The following ZNF248 variants were observed in gnomAD, a reference collection of about 807,000 sequenced individuals.
The protein encoded by ZNF248 is KRAB protein domain.
In ZNF248, 20 loss-of-function variants were observed where a neutral mutation model predicts 44.3. That is an observed-to-expected ratio of 0.45 (90% CI 0.32 to 0.66). The LOEUF (loss-of-function observed/expected upper bound fraction) is 0.66, where lower values mean the gene tolerates loss of function less well. ZNF248 is among the 30% of genes least tolerant of loss of function. The pLI, the probability that ZNF248 is intolerant of heterozygous loss-of-function variation, is 0.04. For synonymous variants in ZNF248, 224 were observed against 229.0 expected (o/e 0.98, Z 0.20); for missense variants, 654 against 677.0 (o/e 0.97, Z 0.38).
chr10:37,778,683 A>ACG (rs1267194996), intron 6 of ZNF248, among the ~76,000 whole-genome samples: 6 of 152,180 alleles, frequency 3.9e-5, no homozygotes, highest in Non-Finnish European at 8.8e-5. Context: ...TAAGTCTTTA[A>ACG]TCCATATTGA....
intron 3 of ZNF248, among the ~76,000 whole-genome samples, chr10:37,843,752 GTAAAATGACCGAAATT>G (rs2134334927): frequency 6.6e-6 from 1 of 152,244 alleles, no homozygotes; most frequent in African/African-American, 2.4e-5. Context: ...AAGCTGAAAA[GTAAAATGACCGAAATT>G]TAAAAATCCA....
Position 37,784,829 on chromosome 10 carries a change from G to A in ZNF248, c.331-8254C>T, listed in dbSNP as rs1439716336. Among the ~76,000 whole-genome samples, 15 of 152,298 alleles carry A rather than the reference G, an allele frequency of 9.8e-5. No individual in the cohort carries two copies. The East Asian group carries it at 2.9e-3, about 29-fold the overall frequency. ...CTCTGCTTACCTTGGTAAGATAAGT[G>A]TTTGGTAGAGGTTGAGAGAAAAACA... On this transcript the variant is annotated intron_variant, in intron 6 of 6. Transcript: ENST00000615949.
At chr10:37,828,624 A>G (rs2054805033), downstream of ZNF248, 1 of 951,584 alleles carries the variant, frequency 1.1e-6, no homozygotes, top group African/African-American at 1.8e-5. Flanking sequence ...CCACCCCGTG[A>G]TCACAATGAC....
At chr10:37,848,478 G>A (rs1183430945) in intron 3 of ZNF248, among the ~76,000 whole-genome samples, 2 of 151,782 alleles carry the variant, frequency 1.3e-5, no homozygotes, top group Non-Finnish European at 2.9e-5. Context: ...AACTACTCGG[G>A]AGGCTGAGGC....
At position 37,835,727 on chromosome 10, in the gene ZNF248, T is replaced by C. The variant is rs58983654; in HGVS notation, c.238+1890A>G. ...AGGAGCAGCTGCAACCACGACCATA[T>C]GTGGCCTGCCAAGCCTCAAACATTT... On this transcript the variant is annotated intron_variant, in intron 5 of 5. Coordinates refer to ENST00000395867, the MANE Select transcript of ZNF248 (RefSeq NM_021045.3). Among the ~76,000 whole-genome samples, 1,473 of 152,264 alleles carry C rather than the reference T, an allele frequency of 9.7e-3. 17 individuals carry two copies. Among genetic ancestry groups the C allele is most frequent in the African/African-American group, 0.034 (1,402 of 41,554 alleles).
chr10:37,788,539 T>G (rs1339947472), intron 6 of ZNF248, among the ~76,000 whole-genome samples: 2 of 152,128 alleles, frequency 1.3e-5, no homozygotes, highest in Non-Finnish European at 2.9e-5. Context: ...GAGAATCACT[T>G]AAGCCTGGGA....
At chr10:37,761,906 C>T in the ZNF248 span, among the ~76,000 whole-genome samples, 1 of 152,200 alleles carries the variant, frequency 6.6e-6, no homozygotes, top group African/African-American at 2.4e-5. Context: ...GACCATCAAT[C>T]CAACTGCTTC....
chr10:37,806,062 A>G (rs1168821971), intron 6 of ZNF248, among the ~76,000 whole-genome samples: 1 of 152,224 alleles, frequency 6.6e-6, no homozygotes, highest in Admixed American at 6.5e-5. Context: ...AATCTGAACA[A>G]TATTGCACTG....
At chr10:37,836,561 T>G (rs1161476005) in intron 5 of ZNF248, among the ~76,000 whole-genome samples, 2 of 152,076 alleles carry the variant, frequency 1.3e-5, no homozygotes. Context: ...AGCTCACACT[T>G]TCATATTAAA....
chr10:37,766,969 T>A, the ZNF248 span, among the ~76,000 whole-genome samples: 1 of 151,922 alleles, frequency 6.6e-6, no homozygotes, highest in African/African-American at 2.4e-5. Flanking sequence ...GAGAACTACG[T>A]GAAGAATGCA....
intron 6 of ZNF248, among the ~76,000 whole-genome samples, chr10:37,798,237 T>C (rs1366391702): frequency 6.6e-6 from 1 of 152,122 alleles, no homozygotes; most frequent in Non-Finnish European, 1.5e-5. Flanking sequence ...TATAATTCCA[T>C]TTATATGAAA....
At chr10:37,807,720 C>G (rs1183827193) in intron 6 of ZNF248, among the ~76,000 whole-genome samples, 1 of 152,136 alleles carries the variant, frequency 6.6e-6, no homozygotes, top group Non-Finnish European at 1.5e-5. Flanking sequence ...TATATACAAA[C>G]ACAACTGATT....
intron 6 of ZNF248, among the ~76,000 whole-genome samples, chr10:37,784,827 G>T (rs1261508940): frequency 6.6e-6 from 1 of 152,152 alleles, no homozygotes. Context: ...GGTAAGATAA[G>T]TGTTTGGTAG....
At chr10:37,785,613 G>A (rs2047796926) in intron 6 of ZNF248, among the ~76,000 whole-genome samples, 1 of 152,152 alleles carries the variant, frequency 6.6e-6, no homozygotes, top group Non-Finnish European at 1.5e-5. Context: ...ACTCCATGGA[G>A]TATTCCCTGT....
At chr10:37,857,776 G>C (rs1470595148), upstream of ZNF248, 1 of 152,484 alleles carries the variant, frequency 6.6e-6, no homozygotes, top group Non-Finnish European at 1.5e-5. Context: ...CCGTGCTACA[G>C]GACTTCGCTG....
intron 6 of ZNF248, among the ~76,000 whole-genome samples, chr10:37,780,154 G>A (rs2047107353): frequency 6.6e-6 from 1 of 150,968 alleles, no homozygotes; most frequent in Non-Finnish European, 1.5e-5. Flanking sequence ...TCACAGAATT[G>A]GAAAAATCTA....
chr10:37,760,292 A>G, the ZNF248 span, among the ~76,000 whole-genome samples: 14 of 152,114 alleles, frequency 9.2e-5, no homozygotes, highest in Non-Finnish European at 1.9e-4. Context: ...GCAGTGGTGC[A>G]ATGCACAGCT....
intron 6 of ZNF248, among the ~76,000 whole-genome samples, chr10:37,800,855 T>C (rs183186018): frequency 6.6e-6 from 1 of 151,806 alleles, no homozygotes; most frequent in Admixed American, 6.5e-5. Flanking sequence ...TCTGCCTCCC[T>C]GGTTCAAGTG....
intron 3 of ZNF248, among the ~76,000 whole-genome samples, chr10:37,843,826 A>C (rs1356124417): frequency 6.6e-6 from 1 of 152,178 alleles, no homozygotes; most frequent in Non-Finnish European, 1.5e-5. Flanking sequence ...AAGAATCATG[A>C]ATTGGAGAAT....
Sources: gnomAD v4.1 joint callset for allele counts (sites outside exome capture counted in the v4.1 genomes callset) on GRCh38, gnomAD v4.1.1 for gene constraint, MANE v1.5 for transcripts, NCBI Gene and HGNC (gene_info 2026-07-23, HGNC 2026-07-21) for gene names.